Variants in CACHD1 observed in about 807,000 individuals in gnomAD.
CACHD1 encodes cache domain containing 1, also known as VWFA and cache domain-containing protein 1.
CACHD1 carries 71 observed loss-of-function variants against 138.7 expected under a neutral mutation model. The observed-to-expected ratio is 0.51, with a 90% CI of 0.42 to 0.62. The LOEUF (loss-of-function observed/expected upper bound fraction) is 0.62, where lower values mean the gene tolerates loss of function less well. Among genes scored for constraint, CACHD1 ranks in the 20% least tolerant of loss-of-function variants. The pLI, the probability that CACHD1 is intolerant of heterozygous loss-of-function variation, is 0.00. For missense variants in CACHD1, 1,389 were observed against 1,625.3 expected (o/e 0.85, Z 2.50); for synonymous variants, 578 against 591.5 (o/e 0.98, Z 0.33).
At chr1:64,562,409 CTTTTTT>C (rs55746551) in intron 2 of CACHD1, among the ~76,000 whole-genome samples, 25 of 109,910 alleles carry the variant, frequency 2.3e-4, no homozygotes, top group Admixed American at 3.9e-4. Context: ...GCAGAATTTC[CTTTTTT>C]TTTTTTTTTT....
At chr1:64,646,290 C>A (rs1025865803) in intron 8 of CACHD1, among the ~76,000 whole-genome samples, 1 of 152,116 alleles carries the variant, frequency 6.6e-6, no homozygotes, top group Non-Finnish European at 1.5e-5. Context: ...GGAGTGTACC[C>A]CTCACTCCCC....
chr1:64,614,792 C>T (rs957626978), intron 4 of CACHD1, among the ~76,000 whole-genome samples: 6 of 152,092 alleles, frequency 3.9e-5, no homozygotes, highest in African/African-American at 1.4e-4. Flanking sequence ...CTTTCTTTTT[C>T]CCCTGCTACT....
intron 8 of CACHD1, among the ~76,000 whole-genome samples, chr1:64,645,715 A>G (rs1037097568): frequency 6.6e-6 from 1 of 152,160 alleles, no homozygotes; most frequent in Non-Finnish European, 1.5e-5. Flanking sequence ...TGTGGCTGCC[A>G]GCCCCCGTGC....
intron 26 of CACHD1, among the ~76,000 whole-genome samples, chr1:64,682,720 A>G (rs1304546136): frequency 6.6e-6 from 1 of 152,042 alleles, no homozygotes; most frequent in Non-Finnish European, 1.5e-5. Context: ...TAGGTAACTT[A>G]TGAAATCCAC....
In CACHD1 at chr1:64,482,627, A is replaced by G. The variant is rs549019587; in HGVS notation, c.198+11685A>G. Among the ~76,000 whole-genome samples, 3 of 152,242 alleles carry G rather than the reference A, an allele frequency of 2.0e-5. No individual in the cohort carries two copies. The South Asian group carries it at 6.2e-4, about 32-fold the overall frequency. On this transcript the variant is annotated intron_variant, in intron 1 of 26. Transcript: ENST00000651257. ...TGCAGTCTTGGCTATTTGATCCAGA[A>G]TTGGCTTCACTGAACCATTTATGAA... is the stretch of plus-strand genomic sequence containing the variant.
chr1:64,492,040 A>AT (rs1181722822), intron 1 of CACHD1, among the ~76,000 whole-genome samples: 1 of 149,322 alleles, frequency 6.7e-6, no homozygotes, highest in East Asian at 2.0e-4. Flanking sequence ...ACCTTTCACT[A>AT]GTTTTTTTTC....
At position 64,663,688 on chromosome 1, in the gene CACHD1, C is replaced by G. The variant is rs541667002; in HGVS notation, c.1952-7C>G. On this transcript the variant is annotated splice_polypyrimidine_tract_variant and splice_region_variant and intron_variant, in intron 13 of 26. Coordinates refer to ENST00000651257, the MANE Select transcript of CACHD1 (RefSeq NM_020925.4). The stretch of plus-strand genomic sequence containing the variant: ...TCTCAGGCCTGCTTTGTTTGCTTCT[C>G]TTTCAGAAAGTCCCACCATCATGCT... The G allele has an allele frequency of 5.0e-6, 8 of 1,613,932 alleles. No individual in the cohort carries two copies. Among genetic ancestry groups the G allele is most frequent in the Non-Finnish European group, 6.8e-6 (8 of 1,179,996 alleles).
intron 2 of CACHD1, among the ~76,000 whole-genome samples, chr1:64,557,035 C>T (rs537416937): frequency 7.9e-5 from 12 of 151,628 alleles, no homozygotes; most frequent in East Asian, 3.9e-4. Flanking sequence ...AGGAGAATGG[C>T]GCGTGAGCCC....
intron 1 of CACHD1, among the ~76,000 whole-genome samples, chr1:64,485,580 T>G (rs548172570): frequency 1.9e-3 from 282 of 150,570 alleles, no homozygotes; most frequent in African/African-American, 6.8e-3. Flanking sequence ...TTTTGTAGTT[T>G]TTTGTTTTGT....
At chr1:64,566,487 C>CCCCG (rs1553133844) in intron 2 of CACHD1, among the ~76,000 whole-genome samples, 1 of 144,058 alleles carries the variant, frequency 6.9e-6, no homozygotes, top group Non-Finnish European at 1.6e-5. Flanking sequence ...ATTCCCCCCC[C>CCCCG]CCCACAAGGT....
Position 64,509,400 on chromosome 1 carries a change from A to T in CACHD1, c.198+38458A>T, listed in dbSNP as rs545072508. ...CCCAGGCCATAATAAGGAATTGATG[A>T]AAGAGCACCATCTTTAATCCTTTCT... On this transcript the variant is annotated intron_variant, in intron 1 of 26. Coordinates refer to ENST00000651257, the MANE Select transcript of CACHD1 (RefSeq NM_020925.4). Among the ~76,000 whole-genome samples the T allele has an allele frequency of 3.0e-3, 458 of 152,330 alleles. 3 individuals are homozygous for T. Among genetic ancestry groups the T allele is most frequent in the African/African-American group, 0.011 (443 of 41,574 alleles).
chr1:64,640,819 G>A (rs1019565487), intron 7 of CACHD1, among the ~76,000 whole-genome samples: 3 of 151,294 alleles, frequency 2.0e-5, no homozygotes, highest in Non-Finnish European at 4.4e-5. Flanking sequence ...CCAGCTCTCT[G>A]ACTTCCCTCT....
At chr1:64,676,863 CG>C in intron 21 of CACHD1, 31 bp from the exon 22 acceptor site, 1 of 1,554,694 alleles carries the variant, frequency 6.4e-7, no homozygotes, top group Non-Finnish European at 8.8e-7. Context: ...GGGCGGTGGT[CG>C]TCTTAACCTC....
intron 2 of CACHD1, among the ~76,000 whole-genome samples, chr1:64,558,151 C>T (rs1646812485): frequency 6.6e-6 from 1 of 152,228 alleles, no homozygotes; most frequent in African/African-American, 2.4e-5. Context: ...CAAATCTACT[C>T]TCTTTAAGAT....
chr1:64,679,213 C>A (rs1453763701), intron 23 of CACHD1, among the ~76,000 whole-genome samples: 1 of 152,184 alleles, frequency 6.6e-6, no homozygotes, highest in Non-Finnish European at 1.5e-5. Context: ...GGACCTGGTG[C>A]CTTTTATTTC....
In CACHD1 at chr1:64,663,803, A is replaced by G; in HGVS notation, c.2060A>G (p.Asp687Gly). Residue 687 changes from aspartate (D) to glycine (G), a missense_variant, in exon 14 of 27, where the codon GAC becomes GGC. Physicochemically the swap from Asp to Gly is moderately conservative, Grantham distance 94. Transcript: ENST00000651257. ...GAGCACTACACCGCCTATCTCAGCG[A>G]CAACACCCGCCTCATTGCTAACCCG... ...MVEHYTAYLS[D>G]NTRLIANPGL... 6.2e-7 allele frequency: 1 copy of G among 1,614,142 alleles called. No individual in the cohort carries two copies. Among genetic ancestry groups the G allele is most frequent in the Non-Finnish European group, 8.5e-7 (1 of 1,180,002 alleles).
chr1:64,639,884 A>T (rs1432231518), intron 7 of CACHD1, among the ~76,000 whole-genome samples: 3 of 152,206 alleles, frequency 2.0e-5, no homozygotes, highest in Non-Finnish European at 2.9e-5. Context: ...TGGCCCAACG[A>T]GTTTCTTGAG....
intron 1 of CACHD1, among the ~76,000 whole-genome samples, chr1:64,502,649 T>C (rs1303526065): frequency 8.7e-5 from 11 of 126,086 alleles, no homozygotes; most frequent in African/African-American, 5.3e-4. Flanking sequence ...GCACATTCTC[T>C]TATGGTGGGG....
At chr1:64,540,127 T>A (rs375421573) in intron 1 of CACHD1, among the ~76,000 whole-genome samples, 26 of 152,200 alleles carry the variant, frequency 1.7e-4, no homozygotes, top group African/African-American at 6.3e-4. Flanking sequence ...GGTTTTCCAG[T>A]TCCCTTTGTC....
Sources: allele counts gnomAD v4.1 joint callset (sites outside exome capture counted in the v4.1 genomes callset), GRCh38; gene constraint gnomAD v4.1.1; transcripts MANE v1.5; gene names NCBI Gene and HGNC (gene_info 2026-07-23, HGNC 2026-07-21).